Variants in ACOX3 observed in about 807,000 individuals in gnomAD.
ACOX3 encodes the protein peroxisomal acyl-coenzyme A oxidase 3.
ACOX3 carries 73 observed loss-of-function variants against 81.5 expected under a neutral mutation model. The ratio of observed to expected loss-of-function variants is 0.90; its 90% CI spans 0.74 to 1.09. ACOX3 has a LOEUF of 1.09. ACOX3 is among the 50% of genes least tolerant of loss of function. ACOX3 has a pLI of 0.00. For missense variants in ACOX3, 947 were observed against 928.0 expected (o/e 1.02, Z -0.27); for synonymous variants, 387 against 375.1 (o/e 1.03, Z -0.37).
rs1009208734 is a variant in ACOX3, at chr4:8,400,936, T to C, written c.777-1284A>G. Among the ~76,000 whole-genome samples, 2 of 150,890 alleles carry C rather than the reference T, an allele frequency of 1.3e-5. No homozygotes were observed. The highest frequency in any genetic ancestry group is 4.9e-5 in the African/African-American group (2 of 40,652). On this transcript the variant is annotated intron_variant, in intron 7 of 17. Coordinates refer to ENST00000356406, the MANE Select transcript of ACOX3 (RefSeq NM_003501.3). This position sits in a 1 kb window ranked among gnomAD's most constrained non-coding sequence, Gnocchi z 4.4. ...AATGAAATGATTATACAATTAGCCA[T>C]AATGCAAAATTGCAAAATCAGTGGG... is the stretch of plus-strand genomic sequence containing the variant.
rs890984762 is a variant in ACOX3 at position 8,384,574 on chromosome 4, C to T, written c.1538-2967G>A. Among the ~76,000 whole-genome samples the T allele has an allele frequency of 1.3e-5, 2 of 152,162 alleles. No individual in the cohort carries two copies. Among genetic ancestry groups the T allele is most frequent in the Non-Finnish European group, 2.9e-5 (2 of 68,032 alleles). The stretch of plus-strand genomic sequence containing the variant: ...ATGTGCCTCACACCAGAAGGACTCT[C>T]GAAGGTGCCCCCAGCCGCCCTGTGC... On this transcript the variant is annotated intron_variant, in intron 13 of 17. Coordinates refer to ENST00000356406, the MANE Select transcript of ACOX3 (RefSeq NM_003501.3). This position sits in a 1 kb window ranked among gnomAD's most constrained non-coding sequence, Gnocchi z 5.3.
intron 6 of ACOX3, among the ~76,000 whole-genome samples, chr4:8,409,914 C>A (rs557479468): frequency 7.1e-6 from 1 of 140,970 alleles, no homozygotes; most frequent in Admixed American, 7.0e-5. Context: ...ACACTGTGGG[C>A]GGAGCTGTCT....
intron 5 of ACOX3, among the ~76,000 whole-genome samples, chr4:8,412,969 C>G (rs1721894742): frequency 6.7e-6 from 1 of 148,408 alleles, no homozygotes; most frequent in African/African-American, 2.5e-5. Context: ...CTGACAGCCC[C>G]AGGGCATCCA....
At chr4:8,362,464 C>G (rs1441860096), downstream of ACOX3, among the ~76,000 whole-genome samples, 1 of 152,154 alleles carries the variant, frequency 6.6e-6, no homozygotes, top group Non-Finnish European at 1.5e-5. Context: ...TGTGAGTATT[C>G]TTAATTTAAT....
chr4:8,370,926 A>G lies in ACOX3; in HGVS notation c.1965T>C (p.Ile655=). ...CCTTTACCTCGCCGTCGGCTCTGCC[A>G]ATCGGTGAGTCCAGAACAAAGTCAG... ...APPDFVLDSP[I]GRADGELYKN... Residue 655 remains isoleucine (I), a synonymous_variant, in exon 17 of 18, where the codon ATT becomes ATC. Coordinates refer to ENST00000356406, the MANE Select transcript of ACOX3 (RefSeq NM_003501.3). The surrounding 1 kb of genome is among the most constrained non-coding windows in gnomAD (Gnocchi z 6.3). 1.2e-6 allele frequency: 2 copies of G among 1,614,040 alleles called. No individual in the cohort carries two copies. Among genetic ancestry groups the G allele is most frequent in the Non-Finnish European group, 1.7e-6 (2 of 1,180,020 alleles).
intron 14 of ACOX3, among the ~76,000 whole-genome samples, chr4:8,377,411 C>A (rs148672903): frequency 6.6e-6 from 1 of 152,336 alleles, no homozygotes; most frequent in East Asian, 1.9e-4. Flanking sequence ...TTGCTGCTGT[C>A]AAATAATGCA....
At position 8,437,033 on chromosome 4, in the gene ACOX3, A is replaced by T. The variant is rs1453316767; in HGVS notation, c.-15+3615T>A. ...TCAGCATATATATATATTCGAAAAA[A>T]TATATATAAATATATATATACAAAT... On this transcript the variant is annotated intron_variant, in intron 1 of 17. Coordinates refer to ENST00000356406, the MANE Select transcript of ACOX3 (RefSeq NM_003501.3). This position sits in a 1 kb window ranked among gnomAD's most constrained non-coding sequence, Gnocchi z 5.2. 6.8e-6 allele frequency among the ~76,000 whole-genome samples: 1 copy of T among 146,488 alleles called. No homozygotes were observed. The highest frequency in any genetic ancestry group is 2.5e-5 in the African/African-American group (1 of 40,374).
At chr4:8,388,399 G>A (rs186159299) in intron 13 of ACOX3, among the ~76,000 whole-genome samples, 3 of 152,386 alleles carry the variant, frequency 2.0e-5, no homozygotes, top group South Asian at 2.1e-4. Context: ...TAACGAGCAC[G>A]TGCAGAATTA....
the ACOX3 span, chr4:8,356,573 G>A: frequency 6.6e-6 from 3 of 456,702 alleles, no homozygotes; most frequent in South Asian, 1.5e-5. Flanking sequence ...CCACACACAC[G>A]TACACAGAGG....
chr4:8,379,045 C>G (rs1010657768), intron 14 of ACOX3, among the ~76,000 whole-genome samples: 7 of 152,210 alleles, frequency 4.6e-5, no homozygotes, highest in African/African-American at 1.7e-4. Context: ...GAAGGAATTC[C>G]TTCCTTCCTG....
chr4:8,386,917 C>T lies in ACOX3; in HGVS notation c.1537+2256G>A, dbSNP rs546026731. On this transcript the variant is annotated intron_variant, in intron 13 of 17. Transcript: ENST00000356406. This position sits in a 1 kb window ranked among gnomAD's most constrained non-coding sequence, Gnocchi z 5.2. The stretch of plus-strand genomic sequence containing the variant: ...CGCTCGGGGGCTGCTATCACATCCA[C>T]GGCGTCGGTCCTGATGGCTGGAACG... Among the ~76,000 whole-genome samples the T allele has an allele frequency of 7.9e-5, 12 of 152,360 alleles. No homozygotes were observed. The highest frequency in any genetic ancestry group is 2.6e-4 in the African/African-American group (11 of 41,588).
chr4:8,396,930 C>A lies in ACOX3; in HGVS notation c.1056+7G>T. The stretch of plus-strand genomic sequence containing the variant: ...AGACAGTGAAAGGATGCTTGAAAAC[C>A]TCATACCTGCATTGGATACTCAAGC... On this transcript the variant is annotated splice_region_variant and intron_variant, in intron 9 of 17. Transcript: ENST00000356406. 2 of 1,608,568 alleles carry A rather than the reference C, an allele frequency of 1.2e-6. No homozygotes were observed. The highest frequency in any genetic ancestry group is 1.1e-5 in the South Asian group (1 of 89,706).
chr4:8,408,477 G>A (rs989166213), intron 6 of ACOX3, among the ~76,000 whole-genome samples: 5 of 152,110 alleles, frequency 3.3e-5, no homozygotes, highest in African/African-American at 7.2e-5. Flanking sequence ...ACAATCCTGC[G>A]GAGTGTTTTT....
chr4:8,392,271 G>C, intron 11 of ACOX3, 62 bp downstream of exon 11: 1 of 1,391,178 alleles, frequency 7.2e-7, no homozygotes, highest in Non-Finnish European at 9.4e-7. Context: ...GCCGACCCCT[G>C]GTCTAGAGTC....
chr4:8,424,989 A>G (rs1723318827), intron 1 of ACOX3, among the ~76,000 whole-genome samples: 1 of 152,226 alleles, frequency 6.6e-6, no homozygotes. Context: ...TAAAATTAGG[A>G]GAAGGAAAAA....
Position 8,384,380 on chromosome 4 carries a change from G to T in ACOX3, c.1538-2773C>A, listed in dbSNP as rs7697154. Reference sequence around the variant, plus strand: ...TGTGTGTGTCATTTTCAGAGTTAATGTGGAAGTGAAAAAGTATCGCTGAAA... The same window carrying T: ...TGTGTGTGTCATTTTCAGAGTTAATTTGGAAGTGAAAAAGTATCGCTGAAA... On this transcript the variant is annotated intron_variant, in intron 13 of 17. Transcript: ENST00000356406. This position sits in a 1 kb window ranked among gnomAD's most constrained non-coding sequence, Gnocchi z 5.3. Among the ~76,000 whole-genome samples, 50,534 of 152,126 alleles carry T rather than the reference G, an allele frequency of 0.33. 12,157 individuals carry two copies. Among genetic ancestry groups the T allele is most frequent in the African/African-American group, 0.69 (28,465 of 41,456 alleles).
At position 8,429,874 on chromosome 4, in the gene ACOX3, T is replaced by C. The variant is rs137980698; in HGVS notation, c.-15+10774A>G. Among the ~76,000 whole-genome samples the C allele has an allele frequency of 9.3e-3, 1,411 of 152,052 alleles. 20 individuals are homozygous for C. Among genetic ancestry groups the C allele is most frequent in the African/African-American group, 0.032 (1,337 of 41,454 alleles). Reference sequence around the variant, plus strand: ...GGAGAATCACTTGAGCCCAGGAGTTTGAGTCTAGCCTGGGCAACATAGTGA... The same window carrying C: ...GGAGAATCACTTGAGCCCAGGAGTTCGAGTCTAGCCTGGGCAACATAGTGA... On this transcript the variant is annotated intron_variant, in intron 1 of 17. Coordinates refer to ENST00000356406, the MANE Select transcript of ACOX3 (RefSeq NM_003501.3).
chr4:8,388,890 C>T (rs1718622981), intron 13 of ACOX3, among the ~76,000 whole-genome samples: 1 of 152,144 alleles, frequency 6.6e-6, no homozygotes. Flanking sequence ...GGCCAGGTGG[C>T]CTCTCACGCC....
intron 13 of ACOX3, among the ~76,000 whole-genome samples, chr4:8,387,127 G>A (rs1265986389): frequency 6.6e-6 from 1 of 152,250 alleles, no homozygotes; most frequent in Non-Finnish European, 1.5e-5. Flanking sequence ...CACCTCGAGG[G>A]CGGTTCCTGT....
Sources: gnomAD v4.1 joint callset for allele counts (sites outside exome capture counted in the v4.1 genomes callset) on GRCh38, gnomAD v4.1.1 for gene constraint, Gnocchi (gnomAD v3.1) non-coding constraint, MANE v1.5 for transcripts, NCBI Gene and HGNC (gene_info 2026-07-23, HGNC 2026-07-21) for gene names.